KCNQ1: variants seen among roughly 807,000 people sequenced by gnomAD.
KCNQ1 encodes potassium voltage-gated channel subfamily KQT member 1.
In KCNQ1, 49 loss-of-function variants were observed where a neutral mutation model predicts 72.4. The observed-to-expected ratio is 0.68, with a 90% confidence interval of 0.54 to 0.86. KCNQ1 has a LOEUF of 0.86. Ranked by LOEUF, KCNQ1 falls within the 40% of genes least tolerant of loss-of-function variation. The pLI, the probability that KCNQ1 is intolerant of heterozygous loss-of-function variation, is 0.00. For synonymous variants in KCNQ1, 450 were observed against 412.6 expected (o/e 1.09, Z -1.10); for missense variants, 790 against 945.1 (o/e 0.84, Z 2.15).
intron 2 of KCNQ1, among the ~76,000 whole-genome samples, chr11:2,551,258 C>T (rs1847979164): frequency 6.6e-6 from 1 of 152,188 alleles, no homozygotes; most frequent in African/African-American, 2.4e-5. Context: ...TCCCTGGTAC[C>T]CACTGGCGGC....
chr11:2,623,065 T>C lies in KCNQ1; in HGVS notation c.1393+34211T>C, dbSNP rs1186005772. 1 of 398,548 alleles carries C rather than the reference T, an allele frequency of 2.5e-6. No individual in the cohort carries two copies. Among genetic ancestry groups the C allele is most frequent in the Non-Finnish European group, 4.4e-6 (1 of 226,112 alleles). The allele number at this position is 398,548 out of a possible 1,614,324, so 24.7% of individuals were successfully genotyped here. On this transcript the variant is annotated intron_variant, in intron 10 of 15. Coordinates refer to ENST00000155840, the MANE Select transcript of KCNQ1 (RefSeq NM_000218.3). This position sits in a 1 kb window ranked among gnomAD's most constrained non-coding sequence, Gnocchi z 5.2. The stretch of plus-strand genomic sequence containing the variant: ...TGGGGGGCAAACTTCCCCCTTGCTG[T>C]TCTCATGATAGTGAGTTCTCATGAG...
intron 11 of KCNQ1, among the ~76,000 whole-genome samples, chr11:2,733,781 C>T (rs956680637): frequency 1.9e-5 from 1 of 51,526 alleles, no homozygotes; most frequent in Non-Finnish European, 3.7e-5. Flanking sequence ...CTTCCACACA[C>T]ACACACACAC....
rs547062416 is a variant in KCNQ1 at position 2,745,840 on chromosome 11, A to G, written c.1515-23004A>G. Among the ~76,000 whole-genome samples the G allele has an allele frequency of 6.6e-6, 1 of 152,374 alleles. No homozygotes were observed. Among genetic ancestry groups the G allele is most frequent in the South Asian group, 2.1e-4 (1 of 4,834 alleles). On this transcript the variant is annotated intron_variant, in intron 11 of 15. Transcript: ENST00000155840. This position sits in a 1 kb window ranked among gnomAD's most constrained non-coding sequence, Gnocchi z 6.2. ...CAGGAGCAGGCGGCAGCAGCAAGGC[A>G]GCTCATCCTCGGCTGCCTCTTCTCC...
rs1430394524 is a variant in KCNQ1 at position 2,544,129 on chromosome 11, A to C, written c.477+16111A>C. Among the ~76,000 whole-genome samples the C allele has an allele frequency of 6.6e-6, 1 of 152,042 alleles. No homozygotes were observed. The highest frequency in any genetic ancestry group is 1.5e-5 in the Non-Finnish European group (1 of 67,994). ...ACCAATTTTTGCAAAGCCTGGTAGAATTTTGTTTGGGATTGCATTCAACCT... is the reference window on the plus strand; with the variant it reads ...ACCAATTTTTGCAAAGCCTGGTAGACTTTTGTTTGGGATTGCATTCAACCT... On this transcript the variant is annotated intron_variant, in intron 2 of 15. Coordinates refer to ENST00000155840, the MANE Select transcript of KCNQ1 (RefSeq NM_000218.3). The surrounding 1 kb of genome is among the most constrained non-coding windows in gnomAD (Gnocchi z 4.4).
chr11:2,646,771 C>T (rs1053188360), intron 10 of KCNQ1: 4 of 398,508 alleles, frequency 1.0e-5, no homozygotes, highest in Middle Eastern at 6.2e-4. Context: ...CCGCCTCATC[C>T]TTTCAAAGTG....
chr11:2,770,764 C>T (rs756385685), intron 12 of KCNQ1, among the ~76,000 whole-genome samples: 3 of 152,244 alleles, frequency 2.0e-5, no homozygotes, highest in Admixed American at 6.5e-5. Context: ...ATTCTGGGAC[C>T]GTCTCCTCTC....
intron 1 of KCNQ1, among the ~76,000 whole-genome samples, chr11:2,527,343 C>T (rs1169994624): frequency 6.6e-6 from 1 of 152,202 alleles, no homozygotes; most frequent in African/African-American, 2.4e-5. Context: ...TGACCACCAA[C>T]ACCCCTGCCC....
chr11:2,719,515 T>G (rs915186828), intron 11 of KCNQ1, among the ~76,000 whole-genome samples: 8 of 151,650 alleles, frequency 5.3e-5, no homozygotes, highest in Middle Eastern at 6.8e-3. Context: ...AAAAAAACCA[T>G]TATCACCCCC....
At position 2,458,158 on chromosome 11, in the gene KCNQ1, C is replaced by A. The variant is rs1043160830; in HGVS notation, c.386+12674C>A. Among the ~76,000 whole-genome samples the A allele has an allele frequency of 6.6e-6, 1 of 152,038 alleles. No individual in the cohort carries two copies. The highest frequency in any genetic ancestry group is 1.5e-5 in the Non-Finnish European group (1 of 68,030). ...CCATGTCACTGGAACTTGAAGGGGT[C>A]CTTGTCTTCCCCCTTCTCCCCAAGC... is the stretch of plus-strand genomic sequence containing the variant. On this transcript the variant is annotated intron_variant, in intron 1 of 15. Transcript: ENST00000155840. The surrounding 1 kb of genome is among the most constrained non-coding windows in gnomAD (Gnocchi z 4.6).
In KCNQ1 at chr11:2,720,047, C is replaced by T. The variant is rs2133928561; in HGVS notation, c.1515-48797C>T. On this transcript the variant is annotated intron_variant, in intron 11 of 15. Transcript: ENST00000155840. The surrounding 1 kb of genome is among the most constrained non-coding windows in gnomAD (Gnocchi z 5.1). ...TAGCAAACTGCAAAATGTCCCAAAA[C>T]AAGTCCCTTACTGTCCGTGTCCCTC... Among the ~76,000 whole-genome samples the T allele has an allele frequency of 6.6e-6, 1 of 152,360 alleles. No individual in the cohort carries two copies. Among genetic ancestry groups the T allele is most frequent in the East Asian group, 1.9e-4 (1 of 5,184 alleles).
In KCNQ1 at chr11:2,813,038, C is replaced by T. The variant is rs1242259318; in HGVS notation, c.1795-34729C>T. Among the ~76,000 whole-genome samples the T allele has an allele frequency of 6.6e-6, 1 of 152,264 alleles. No homozygotes were observed. The highest frequency in any genetic ancestry group is 1.5e-5 in the Non-Finnish European group (1 of 68,048). Reference sequence around the variant, plus strand: ...TGTGCCTGGAGGCTGTGGCCTGGCTCTCCAGCTGGAACAGAAGCTCTGAGA... The same window carrying T: ...TGTGCCTGGAGGCTGTGGCCTGGCTTTCCAGCTGGAACAGAAGCTCTGAGA... On this transcript the variant is annotated intron_variant, in intron 15 of 15. Coordinates refer to ENST00000155840, the MANE Select transcript of KCNQ1 (RefSeq NM_000218.3). The surrounding 1 kb of genome is among the most constrained non-coding windows in gnomAD (Gnocchi z 4.4).
chr11:2,623,520 G>C lies in KCNQ1; in HGVS notation c.1393+34666G>C. 1 of 398,482 alleles carries C rather than the reference G, an allele frequency of 2.5e-6. No individual in the cohort carries two copies. 24.7% of individuals were successfully genotyped at this position (398,482 alleles called of 1,614,324 possible). A position where few individuals can be genotyped will look rare whatever the true frequency, so the allele number is the denominator to read the frequency against. On this transcript the variant is annotated intron_variant, in intron 10 of 15. Coordinates refer to ENST00000155840, the MANE Select transcript of KCNQ1 (RefSeq NM_000218.3). This position sits in a 1 kb window ranked among gnomAD's most constrained non-coding sequence, Gnocchi z 5.2. ...AATGCAATATGATTGGAATCATACA[G>C]TATGTAGTTTCTTCAGATTGCCTTA...
chr11:2,814,623 CAAGGAAGG>C (rs3079081), intron 15 of KCNQ1, among the ~76,000 whole-genome samples: 5,143 of 142,048 alleles, frequency 0.036, 230 homozygotes, highest in African/African-American at 0.11. Flanking sequence ...TGGAAGGAGA[CAAGGAAGG>C]AAGGAAGGAA....
Position 2,537,444 on chromosome 11 carries a change from T to C in KCNQ1, c.477+9426T>C, listed in dbSNP as rs551594549. Among the ~76,000 whole-genome samples, 1 of 152,222 alleles carries C rather than the reference T, an allele frequency of 6.6e-6. No homozygotes were observed. Among genetic ancestry groups the C allele is most frequent in the East Asian group, 1.9e-4 (1 of 5,186 alleles). On this transcript the variant is annotated intron_variant, in intron 2 of 15. Coordinates refer to ENST00000155840, the MANE Select transcript of KCNQ1 (RefSeq NM_000218.3). This position sits in a 1 kb window ranked among gnomAD's most constrained non-coding sequence, Gnocchi z 5.2. ...GTAACAATTTTATTTTTTGGGAAAA[T>C]AGAAGTGGGAGAGCGTGTGCCCCGG...
rs185806915 is a variant in KCNQ1, at chr11:2,691,899, G to A, written c.1514+29818G>A. The A allele has an allele frequency of 1.5e-5, 6 of 398,734 alleles. No homozygotes were observed. Among genetic ancestry groups the A allele is most frequent in the African/African-American group, 1.0e-4 (5 of 48,706 alleles). 24.7% of individuals were successfully genotyped at this position (398,734 alleles called of 1,614,324 possible). A position where few individuals can be genotyped will look rare whatever the true frequency, so the allele number is the denominator to read the frequency against. On this transcript the variant is annotated intron_variant, in intron 11 of 15. Coordinates refer to ENST00000155840, the MANE Select transcript of KCNQ1 (RefSeq NM_000218.3). The surrounding 1 kb of genome is among the most constrained non-coding windows in gnomAD (Gnocchi z 6.4). ...CTCCTGGCTTTCTTGCCATCTTTCT[G>A]GCTCTATCCTCAGTCTCCTTGGCAG... is the stretch of plus-strand genomic sequence containing the variant.
At position 2,772,871 on chromosome 11, in the gene KCNQ1, C is replaced by T. The variant is rs769605065; in HGVS notation, c.1591-3089C>T. On this transcript the variant is annotated intron_variant, in intron 12 of 15. Transcript: ENST00000155840. The surrounding 1 kb of genome is among the most constrained non-coding windows in gnomAD (Gnocchi z 6.6). ...CCTGCCTCCCTTCACCTGCCCACACCGCACCCAGATGGCTGGAGGTGCCCC... is the reference window on the plus strand; with the variant it reads ...CCTGCCTCCCTTCACCTGCCCACACTGCACCCAGATGGCTGGAGGTGCCCC... Among the ~76,000 whole-genome samples the T allele has an allele frequency of 5.9e-5, 9 of 152,200 alleles. No individual in the cohort carries two copies. The highest frequency in any genetic ancestry group is 1.9e-4 in the East Asian group (1 of 5,198).
chr11:2,842,756 G>A (rs541801524), intron 15 of KCNQ1, among the ~76,000 whole-genome samples: 8 of 152,216 alleles, frequency 5.3e-5, no homozygotes, highest in Non-Finnish European at 1.2e-4. Context: ...AACTGTACGT[G>A]CACTCTAGGA....
At chr11:2,539,716 G>C (rs933992239) in intron 2 of KCNQ1, among the ~76,000 whole-genome samples, 5 of 152,232 alleles carry the variant, frequency 3.3e-5, no homozygotes, top group African/African-American at 7.2e-5. Context: ...AGACCTTGGT[G>C]GGGGGTGCGC....
At position 2,847,802 on chromosome 11, in the gene KCNQ1, C is replaced by T. The variant is rs774101297; in HGVS notation, c.1830C>T (p.Thr610=). 25 of 1,571,096 alleles carry T rather than the reference C, an allele frequency of 1.6e-5. No homozygotes were observed. The highest frequency in any genetic ancestry group is 2.3e-5 in the East Asian group (1 of 42,616). The change falls in exon 16 of 16, where the codon ACC becomes ACT. Residue 610 remains threonine, a synonymous_variant. Transcript: ENST00000155840. ...TGGACCAGAGGCTGGCACTCATCAC[C>T]GACATGCTTCACCAGCTGCTCTCCT... ...TQLDQRLALI[T]DMLHQLLSLH...
Sources: allele counts gnomAD v4.1 joint callset (sites outside exome capture counted in the v4.1 genomes callset), GRCh38; gene constraint gnomAD v4.1.1; non-coding constraint Gnocchi (gnomAD v3.1); transcripts MANE v1.5; gene names NCBI Gene and HGNC (gene_info 2026-07-23, HGNC 2026-07-21).